The following ACSL1 variants were observed in gnomAD, a reference collection of about 807,000 sequenced individuals.
ACSL1 encodes acyl-CoA synthetase long chain family member 1, also known as long-chain-fatty-acid--CoA ligase 1.
Under a neutral mutation model 98.4 loss-of-function variants are expected in ACSL1, and 41 were observed. The ratio of observed to expected loss-of-function variants is 0.42; its 90% CI spans 0.32 to 0.54. The LOEUF (loss-of-function observed/expected upper bound fraction) is 0.54. Among genes scored for constraint, ACSL1 ranks in the 20% least tolerant of loss-of-function variants. ACSL1 has a pLI of 0.13. For missense variants in ACSL1, 734 were observed against 883.1 expected, an observed-to-expected ratio of 0.83 and a Z score of 2.14; for synonymous variants, 316 against 322.7, an observed-to-expected ratio of 0.98 and a Z score of 0.22.
At chr4:184,814,015 GCA>G in intron 1 of ACSL1, 1 of 398,830 alleles carries the variant, frequency 2.5e-6, no homozygotes, top group Non-Finnish European at 5.2e-6. Flanking sequence ...GTAAGGCTGG[GCA>G]CAGTGGCTCA....
intron 5 of ACSL1, among the ~76,000 whole-genome samples, chr4:184,779,367 C>T (rs1188705532): frequency 6.6e-6 from 1 of 152,176 alleles, no homozygotes; most frequent in Admixed American, 6.5e-5. Context: ...CTTTCACCTC[C>T]TGCCATGATT....
intron 11 of ACSL1, 62 bp downstream of exon 11, chr4:184,770,337 A>G (rs1764301260): frequency 1.3e-6 from 2 of 1,597,274 alleles, no homozygotes; most frequent in African/African-American, 2.7e-5. Flanking sequence ...TGCTTTCTGT[A>G]AAACACAACA....
chr4:184,824,759 T>C (rs551245046), intron 1 of ACSL1, among the ~76,000 whole-genome samples: 48 of 152,274 alleles, frequency 3.2e-4, no homozygotes, highest in African/African-American at 1.1e-3. Flanking sequence ...TTCTCAAGCC[T>C]ACCCAGCACA....
intron 11 of ACSL1, 81 bp from the exon 12 acceptor site, chr4:184,768,531 G>A (rs926170291): frequency 6.6e-7 from 1 of 1,515,560 alleles, no homozygotes; most frequent in African/African-American, 1.5e-5. Flanking sequence ...CAACATTTCA[G>A]TTTTAGCATT....
In ACSL1 at chr4:184,773,950, T is replaced by C; in HGVS notation, c.757-75A>G. The C allele has an allele frequency of 6.4e-6, 10 of 1,558,176 alleles. No homozygotes were observed. In the South Asian group the frequency reaches 1.1e-4, roughly 18 times the overall value. Reference sequence around the variant, plus strand: ...AAAGGATAAGGTCACATCGAGTCACTTAAAGCTGGCTTTACTGTGGGGTTC... The same window carrying C: ...AAAGGATAAGGTCACATCGAGTCACCTAAAGCTGGCTTTACTGTGGGGTTC... On this transcript the variant is annotated intron_variant, in intron 7 of 20. Coordinates refer to ENST00000281455, the MANE Select transcript of ACSL1 (RefSeq NM_001995.5). This position sits in a 1 kb window ranked among gnomAD's most constrained non-coding sequence, Gnocchi z 4.3.
In ACSL1 at chr4:184,773,890, A is replaced by G. The variant is rs1764879798; in HGVS notation, c.757-15T>C. 2 of 1,613,628 alleles carry G rather than the reference A, an allele frequency of 1.2e-6. No homozygotes were observed. Among genetic ancestry groups the G allele is most frequent in the Non-Finnish European group, 1.7e-6 (2 of 1,179,694 alleles). ...CTTCCCAGGTCCTTAATTAGAAGAG[A>G]AAAAAAGTCTTAAATGGAAACGTTT... On this transcript the variant is annotated splice_polypyrimidine_tract_variant and intron_variant, in intron 7 of 20. Transcript: ENST00000281455. The surrounding 1 kb of genome is among the most constrained non-coding windows in gnomAD (Gnocchi z 4.3).
At chr4:184,797,109 A>G (rs1769527903) in intron 2 of ACSL1, among the ~76,000 whole-genome samples, 1 of 152,142 alleles carries the variant, frequency 6.6e-6, no homozygotes, top group Non-Finnish European at 1.5e-5. Context: ...GCTTGTCTCT[A>G]AATGTCTGCC....
chr4:184,771,319 A>C (rs910753770), intron 10 of ACSL1, among the ~76,000 whole-genome samples: 2 of 152,208 alleles, frequency 1.3e-5, no homozygotes, highest in African/African-American at 4.8e-5. Context: ...TTTTACCTTA[A>C]GAAATACAGG....
Position 184,812,028 on chromosome 4 carries a change from G to A in ACSL1, c.-32-8482C>T, listed in dbSNP as rs146264824. ...GGCCCTCCTTCATGTGGGAGGAGGC[G>A]GCGGTTCCACAACTACCCAGAAATC... On this transcript the variant is annotated intron_variant, in intron 1 of 20. Coordinates refer to ENST00000281455, the MANE Select transcript of ACSL1 (RefSeq NM_001995.5). The A allele has an allele frequency of 5.8e-5, 18 of 312,010 alleles. No homozygotes were observed. The South Asian group carries it at 6.2e-4, about 11-fold the overall frequency. The allele number at this position is 312,010 out of a possible 1,614,324, so 19.3% of individuals were successfully genotyped here. A position where few individuals can be genotyped will look rare whatever the true frequency, so the allele number is the denominator to read the frequency against.
intron 17 of ACSL1, among the ~76,000 whole-genome samples, chr4:184,761,362 C>G (rs1277738503): frequency 6.6e-6 from 1 of 152,176 alleles, no homozygotes. Context: ...CTAATCAATA[C>G]AAATTCCAAA....
intron 3 of ACSL1, among the ~76,000 whole-genome samples, chr4:184,788,171 T>C (rs1767725522): frequency 6.6e-6 from 1 of 152,116 alleles, no homozygotes; most frequent in Non-Finnish European, 1.5e-5. Flanking sequence ...ACACTACAGT[T>C]AATAATTAAG....
intron 5 of ACSL1, among the ~76,000 whole-genome samples, chr4:184,778,340 T>C (rs1238200301): frequency 6.6e-6 from 1 of 152,120 alleles, no homozygotes; most frequent in Non-Finnish European, 1.5e-5. Flanking sequence ...GAGTTTCGGT[T>C]TTTTCCCAGA....
intron 4 of ACSL1, among the ~76,000 whole-genome samples, chr4:184,783,613 G>A (rs1413201314): frequency 6.6e-6 from 1 of 152,198 alleles, no homozygotes; most frequent in African/African-American, 2.4e-5. Context: ...CCCCTCAAGT[G>A]GAGAGAAATA....
intron 1 of ACSL1, among the ~76,000 whole-genome samples, chr4:184,815,489 T>TGG (rs11430387): frequency 4.6e-5 from 7 of 151,510 alleles, no homozygotes; most frequent in African/African-American, 7.3e-5. Flanking sequence ...GACCCAGGCC[T>TGG]GGGGGGGGAA....
chr4:184,813,238 C>A (rs1256235291), intron 1 of ACSL1, among the ~76,000 whole-genome samples: 2 of 152,082 alleles, frequency 1.3e-5, no homozygotes, highest in Admixed American at 6.6e-5. Context: ...AGTTTCCATT[C>A]AAAAAATTTC....
At chr4:184,780,492 T>C (rs1369908081) in intron 4 of ACSL1, 59 bp from the exon 5 acceptor site, 3 of 1,304,066 alleles carry the variant, frequency 2.3e-6, no homozygotes, top group East Asian at 4.6e-5. Context: ...GAAACAAAGC[T>C]GACCAGACGG....
chr4:184,777,136 G>A (rs1253681241), intron 5 of ACSL1, among the ~76,000 whole-genome samples, 153 bp from the exon 6 acceptor site: 1 of 152,158 alleles, frequency 6.6e-6, no homozygotes, highest in East Asian at 1.9e-4. Flanking sequence ...GTGCTATAAG[G>A]GATTCAGAAT....
At chr4:184,765,083 G>A (rs543187209) in intron 14 of ACSL1, among the ~76,000 whole-genome samples, 158 bp from the exon 15 acceptor site, 12 of 152,282 alleles carry the variant, frequency 7.9e-5, no homozygotes, top group African/African-American at 2.9e-4. Context: ...ATGGTCCAGT[G>A]TGCTTTACGC....
chr4:184,768,433 A>C lies in ACSL1; in HGVS notation c.1011T>G (p.His337Gln). 3 of 1,613,780 alleles carry C rather than the reference A, an allele frequency of 1.9e-6. No homozygotes were observed. The highest frequency in any genetic ancestry group is 2.5e-6 in the Non-Finnish European group (3 of 1,179,930). The change falls in exon 12 of 21, where the codon CAT becomes CAG. Residue 337 changes from histidine (H) to glutamine (Q), a missense_variant. Transcript: ENST00000281455. Reference sequence around the variant, plus strand: ...CTTGGAAAAATCCGATTTTAGCTCCATGACACAGCATTACACACTATAGGG... The same window carrying C: ...CTTGGAAAAATCCGATTTTAGCTCCCTGACACAGCATTACACACTATAGGG... Reference protein sequence around the residue: ...ERVVECVMLCHGAKIGFFQGD... With the variant: ...ERVVECVMLCQGAKIGFFQGD...
Sources: gnomAD v4.1 joint callset for allele counts (sites outside exome capture counted in the v4.1 genomes callset) on GRCh38, gnomAD v4.1.1 for gene constraint, Gnocchi (gnomAD v3.1) non-coding constraint, MANE v1.5 for transcripts, NCBI Gene and HGNC (gene_info 2026-07-23, HGNC 2026-07-21) for gene names.